ADORA2B: variants seen among roughly 807,000 people sequenced by gnomAD.
ADORA2B encodes adenosine receptor A2b.
Under a neutral mutation model 20.8 loss-of-function variants are expected in ADORA2B, and 18 were observed. That is an observed-to-expected ratio of 0.87 (90% CI 0.60 to 1.29). The LOEUF (loss-of-function observed/expected upper bound fraction) is 1.29, where lower values mean the gene tolerates loss of function less well. ADORA2B is among the 50% of genes most tolerant of loss of function. ADORA2B has a pLI of 0.00. For missense variants in ADORA2B, 441 were observed against 422.7 expected (o/e 1.04, Z -0.38); for synonymous variants, 179 against 178.3 (o/e 1.00, Z -0.03).
At chr17:15,924,170 C>T in the ADORA2B span, among the ~76,000 whole-genome samples, 1 of 152,224 alleles carries the variant, frequency 6.6e-6, no homozygotes, top group Non-Finnish European at 1.5e-5. Flanking sequence ...GCCTTGGCCT[C>T]CCAAAGTGCT....
At chr17:15,927,388 C>T in the ADORA2B span, among the ~76,000 whole-genome samples, 1 of 152,038 alleles carries the variant, frequency 6.6e-6, no homozygotes, top group African/African-American at 2.4e-5. Context: ...GAGGCTGAGG[C>T]AGGAGAATCC....
chr17:15,862,211 C>CT, the ADORA2B span, among the ~76,000 whole-genome samples: 2,738 of 96,208 alleles, frequency 0.028, 69 homozygotes, highest in Non-Finnish European at 0.039. Flanking sequence ...CTTTTCTTTT[C>CT]TTTTTTTTTT....
At chr17:15,926,761 A>G in the ADORA2B span, among the ~76,000 whole-genome samples, 4 of 152,140 alleles carry the variant, frequency 2.6e-5, no homozygotes, top group Admixed American at 2.6e-4. Context: ...GCTTGAGCTC[A>G]AGACTGAGAC....
the ADORA2B span, among the ~76,000 whole-genome samples, chr17:15,917,795 G>C: frequency 6.6e-6 from 1 of 152,226 alleles, no homozygotes; most frequent in Admixed American, 6.5e-5. Context: ...CGCGGGCAGG[G>C]GCGCGCAGTC....
chr17:15,931,563 A>T, the ADORA2B span, among the ~76,000 whole-genome samples: 12 of 152,184 alleles, frequency 7.9e-5, no homozygotes, highest in African/African-American at 2.9e-4. Context: ...TCTGCTACTT[A>T]ACCAGCTATG....
the ADORA2B span, among the ~76,000 whole-genome samples, chr17:15,851,475 T>C: frequency 4.6e-5 from 7 of 151,994 alleles, no homozygotes; most frequent in African/African-American, 1.7e-4. Context: ...GCTCTGTGCC[T>C]GCCTCATACT....
At chr17:15,879,164 A>G in the ADORA2B span, among the ~76,000 whole-genome samples, 1,466 of 152,312 alleles carry the variant, frequency 9.6e-3, 24 homozygotes, top group African/African-American at 0.033. Context: ...CAAAAATGCA[A>G]TAAGGGCCAA....
the ADORA2B span, among the ~76,000 whole-genome samples, chr17:15,871,072 T>C: frequency 1.3e-5 from 2 of 152,228 alleles, no homozygotes; most frequent in African/African-American, 4.8e-5. Flanking sequence ...AGTCCTCTCC[T>C]GATGGCCATG....
chr17:15,870,594 C>G, the ADORA2B span, among the ~76,000 whole-genome samples: 3 of 144,382 alleles, frequency 2.1e-5, no homozygotes, highest in Admixed American at 6.9e-5. Flanking sequence ...TCCTGGATGA[C>G]AAGAGTGTTA....
At chr17:15,926,436 G>T in the ADORA2B span, among the ~76,000 whole-genome samples, 3 of 152,028 alleles carry the variant, frequency 2.0e-5, no homozygotes, top group Admixed American at 6.6e-5. Flanking sequence ...TGGGTGACAC[G>T]ATATGAGCAG....
chr17:15,921,152 T>C, the ADORA2B span, among the ~76,000 whole-genome samples: 1 of 149,476 alleles, frequency 6.7e-6, no homozygotes, highest in Admixed American at 6.7e-5. Flanking sequence ...CTTCAGACAG[T>C]CATAGACAAT....
At chr17:15,897,575 A>T in the ADORA2B span, among the ~76,000 whole-genome samples, 1 of 152,104 alleles carries the variant, frequency 6.6e-6, no homozygotes, top group East Asian at 1.9e-4. Flanking sequence ...CTCAAAAACA[A>T]AACAAAACCC....
the ADORA2B span, among the ~76,000 whole-genome samples, chr17:15,901,459 C>G: frequency 0.32 from 48,686 of 150,712 alleles, 8,556 homozygotes; most frequent in African/African-American, 0.46. Context: ...AGCGAAACTC[C>G]ATCTCAAAAG....
the ADORA2B span, among the ~76,000 whole-genome samples, chr17:15,872,211 C>G: frequency 2.6e-5 from 4 of 152,154 alleles, no homozygotes; most frequent in African/African-American, 4.8e-5. Context: ...GGTCGCACAA[C>G]ATTGGGAATG....
the ADORA2B span, among the ~76,000 whole-genome samples, chr17:15,873,849 A>G: frequency 5.9e-5 from 9 of 152,258 alleles, no homozygotes; most frequent in East Asian, 1.7e-3. Flanking sequence ...TCCTTAAAGA[A>G]CTAGAAATAG....
At chr17:15,863,151 C>A in the ADORA2B span, among the ~76,000 whole-genome samples, 1 of 152,034 alleles carries the variant, frequency 6.6e-6, no homozygotes, top group Non-Finnish European at 1.5e-5. Flanking sequence ...TTCTAAAATT[C>A]TCCTTTTCAT....
intron 1 of ADORA2B, among the ~76,000 whole-genome samples, chr17:15,962,433 T>C (rs532301314): frequency 1.3e-5 from 2 of 152,388 alleles, no homozygotes; most frequent in East Asian, 3.9e-4. Flanking sequence ...TAGCTTCTCC[T>C]TGCCCTTCCT....
the ADORA2B span, among the ~76,000 whole-genome samples, chr17:15,901,239 G>A: frequency 2.0e-5 from 3 of 152,162 alleles, no homozygotes; most frequent in Non-Finnish European, 1.5e-5. Flanking sequence ...GCTGAGGTGG[G>A]CAGATCACCT....
chr17:15,935,097 G>A, the ADORA2B span, among the ~76,000 whole-genome samples: 8 of 152,160 alleles, frequency 5.3e-5, no homozygotes, highest in South Asian at 2.1e-4. Flanking sequence ...GTGAGCCACC[G>A]CGCCTGGCCT....
Sources: allele counts gnomAD v4.1 joint callset (sites outside exome capture counted in the v4.1 genomes callset), GRCh38; gene constraint gnomAD v4.1.1; transcripts MANE v1.5; gene names NCBI Gene and HGNC (gene_info 2026-07-23, HGNC 2026-07-21).